Variants in KIAA1958 observed in about 807,000 individuals in gnomAD.
KIAA1958 encodes KIAA1958.
In KIAA1958, 14 loss-of-function variants were observed where a neutral mutation model predicts 47.2. The observed-to-expected ratio is 0.30, with a 90% CI of 0.20 to 0.46. KIAA1958 has a LOEUF of 0.46. Among genes scored for constraint, KIAA1958 ranks in the 20% least tolerant of loss-of-function variants. The pLI, the probability that KIAA1958 is intolerant of heterozygous loss-of-function variation, is 1.00. For missense variants in KIAA1958, 803 were observed against 909.2 expected, an observed-to-expected ratio of 0.88 and a Z score of 1.50; for synonymous variants, 354 against 353.3, an observed-to-expected ratio of 1.00 and a Z score of -0.02.
intron 1 of KIAA1958, among the ~76,000 whole-genome samples, chr9:112,522,441 C>T (rs1834563218): frequency 6.6e-6 from 1 of 152,210 alleles, no homozygotes; most frequent in African/African-American, 2.4e-5. Context: ...CTCTAAGTAG[C>T]TCTGGGCCTG....
At position 112,645,499 on chromosome 9, in the gene KIAA1958, GATAGAT is replaced by G. The variant is rs1295387151; in HGVS notation, c.1172-141_1172-136del. ...TTCCCTACTTATTCTAATATATACA[GATAGAT>G]ATAGATATACATATACTTTAATAGA... On this transcript the variant is annotated intron_variant, in intron 2 of 3. Coordinates refer to ENST00000337530, the MANE Select transcript of KIAA1958 (RefSeq NM_133465.4). 7.2e-5 allele frequency: 40 copies of G among 556,052 alleles called. No homozygotes were observed. The East Asian group carries it at 7.4e-4, about 10-fold the overall frequency. The allele number at this position is 556,052 out of a possible 1,614,324, so 34.4% of individuals were successfully genotyped here. A position where few individuals can be genotyped will look rare whatever the true frequency, so the allele number is the denominator to read the frequency against.
intron 1 of KIAA1958, among the ~76,000 whole-genome samples, chr9:112,566,897 G>A (rs963709899): frequency 6.6e-6 from 1 of 152,140 alleles, no homozygotes; most frequent in Non-Finnish European, 1.5e-5. Context: ...CCTAATGTGA[G>A]GCAAAGGGGT....
In KIAA1958 at chr9:112,663,767, C is replaced by G. The variant is rs573294786; in HGVS notation, c.*3698C>G. 1.3e-5 allele frequency: 2 copies of G among 152,328 alleles called. No individual in the cohort carries two copies. Among genetic ancestry groups the G allele is most frequent in the South Asian group, 4.2e-4 (2 of 4,816 alleles). 9.4% of individuals were successfully genotyped at this position (152,328 alleles called of 1,614,324 possible). On this transcript the variant is annotated 3_prime_UTR_variant, in exon 4 of 4. Coordinates refer to ENST00000337530, the MANE Select transcript of KIAA1958 (RefSeq NM_133465.4). ...TTTCCAGCTTTCCTTGGATTTTATG[C>G]TACATTAATTTGCCCTGGCTGATAA...
At chr9:112,519,914 A>ATTTCAG (rs1448008744) in intron 1 of KIAA1958, among the ~76,000 whole-genome samples, 10 of 152,222 alleles carry the variant, frequency 6.6e-5, no homozygotes, top group Admixed American at 3.3e-4. Flanking sequence ...AAGTGCTGAT[A>ATTTCAG]TAAATACATC....
rs186671605 is a variant in KIAA1958, at chr9:112,658,897, A to G, written c.1345-366A>G. Reference sequence around the variant, plus strand: ...TAGCCGGGCGTGGTGGCGGGAGCCTATAGTCCCAGCTACTCGGAAGGCTGA... The same window carrying G: ...TAGCCGGGCGTGGTGGCGGGAGCCTGTAGTCCCAGCTACTCGGAAGGCTGA... On this transcript the variant is annotated intron_variant, in intron 3 of 3. Transcript: ENST00000337530. 3.4e-4 allele frequency among the ~76,000 whole-genome samples: 51 copies of G among 150,770 alleles called. No individual in the cohort carries two copies. In the East Asian group the frequency reaches 7.0e-3, roughly 21 times the overall value.
chr9:112,647,251 A>G (rs1218680260), intron 3 of KIAA1958, among the ~76,000 whole-genome samples: 1 of 152,184 alleles, frequency 6.6e-6, no homozygotes, highest in Non-Finnish European at 1.5e-5. Flanking sequence ...ATATGTTGAT[A>G]ACATTATTTT....
intron 1 of KIAA1958, among the ~76,000 whole-genome samples, chr9:112,487,653 T>G (rs538574673): frequency 1.3e-5 from 2 of 152,236 alleles, no homozygotes; most frequent in East Asian, 1.9e-4. Flanking sequence ...GGAACGTGCA[T>G]GGCTTCGCTC....
intron 2 of KIAA1958, among the ~76,000 whole-genome samples, chr9:112,639,247 G>A (rs539783780): frequency 2.6e-5 from 4 of 152,056 alleles, no homozygotes; most frequent in Admixed American, 6.6e-5. Flanking sequence ...GTTATATCCT[G>A]TTCCTCAGTC....
intron 2 of KIAA1958, among the ~76,000 whole-genome samples, chr9:112,637,802 T>C (rs1222629483): frequency 2.0e-5 from 3 of 152,220 alleles, no homozygotes; most frequent in Non-Finnish European, 4.4e-5. Context: ...ATCAGTCTGA[T>C]GTTGTGCTGT....
At chr9:112,492,483 A>G (rs187408062) in intron 1 of KIAA1958, among the ~76,000 whole-genome samples, 2 of 152,314 alleles carry the variant, frequency 1.3e-5, no homozygotes, top group East Asian at 3.9e-4. Context: ...TGAGAGGAAT[A>G]CAGTTCAGCC....
chr9:112,639,639 T>G (rs771253467), intron 2 of KIAA1958, among the ~76,000 whole-genome samples: 23 of 152,198 alleles, frequency 1.5e-4, no homozygotes, highest in Non-Finnish European at 2.2e-4. Flanking sequence ...CCATGGATAC[T>G]TTTTTCTCTT....
chr9:112,665,328 T>G lies in KIAA1958; in HGVS notation c.*5259T>G, dbSNP rs1474095784. The G allele has an allele frequency of 6.6e-6, 1 of 152,236 alleles. No individual in the cohort carries two copies. The highest frequency in any genetic ancestry group is 2.4e-5 in the African/African-American group (1 of 41,464). The allele number at this position is 152,236 out of a possible 1,614,324, so 9.4% of individuals were successfully genotyped here. ...TTTGACTAAGACTGTGTTACGTGCTTTCTCACAGCTGCCATATATTCTCAT... is the reference window on the plus strand; with the variant it reads ...TTTGACTAAGACTGTGTTACGTGCTGTCTCACAGCTGCCATATATTCTCAT... On this transcript the variant is annotated 3_prime_UTR_variant, in exon 4 of 4. Coordinates refer to ENST00000337530, the MANE Select transcript of KIAA1958 (RefSeq NM_133465.4).
chr9:112,596,777 C>T (rs970532507), intron 2 of KIAA1958, among the ~76,000 whole-genome samples: 29 of 152,198 alleles, frequency 1.9e-4, no homozygotes, highest in African/African-American at 7.0e-4. Context: ...TATGTGTTAT[C>T]TGTTTTCCTT....
rs187191284 is a variant in KIAA1958 at position 112,504,822 on chromosome 9, A to G, written c.-25+17704A>G. Among the ~76,000 whole-genome samples the G allele has an allele frequency of 2.8e-3, 418 of 151,406 alleles. 2 individuals carry two copies. Among genetic ancestry groups the G allele is most frequent in the African/African-American group, 9.8e-3 (403 of 41,202 alleles). On this transcript the variant is annotated intron_variant, in intron 1 of 3. Transcript: ENST00000337530. Reference sequence around the variant, plus strand: ...TGTATATATGTGTAGATGTATATACATTTTTTATTTATACAAATTTATGAG... The same window carrying G: ...TGTATATATGTGTAGATGTATATACGTTTTTTATTTATACAAATTTATGAG...
At chr9:112,539,935 C>T (rs1287279317) in intron 1 of KIAA1958, among the ~76,000 whole-genome samples, 1 of 152,162 alleles carries the variant, frequency 6.6e-6, no homozygotes, top group East Asian at 1.9e-4. Context: ...AAATGATTCA[C>T]CTGCCTCAGC....
intron 2 of KIAA1958, chr9:112,582,045 G>A (rs1218395294): frequency 1.4e-5 from 3 of 219,678 alleles, no homozygotes; most frequent in Non-Finnish European, 2.9e-5. Flanking sequence ...AAGCTTCACC[G>A]CTTCAGCGCT....
chr9:112,542,122 A>G (rs568139213), intron 1 of KIAA1958, among the ~76,000 whole-genome samples: 19 of 152,326 alleles, frequency 1.2e-4, no homozygotes, highest in African/African-American at 4.1e-4. Flanking sequence ...GATATTTGTC[A>G]TATTTTAAAC....
At chr9:112,566,037 G>A (rs1422745051) in intron 1 of KIAA1958, among the ~76,000 whole-genome samples, 4 of 152,052 alleles carry the variant, frequency 2.6e-5, no homozygotes, top group Non-Finnish European at 5.9e-5. Context: ...CCCAGTAGTT[G>A]GGACTACAGG....
At chr9:112,644,668 C>G (rs775161597) in intron 2 of KIAA1958, among the ~76,000 whole-genome samples, 2 of 152,098 alleles carry the variant, frequency 1.3e-5, no homozygotes, top group Non-Finnish European at 2.9e-5. Context: ...CAAGTTAAAC[C>G]ATGTTCCCTT....
Sources: gnomAD v4.1 joint callset for allele counts (sites outside exome capture counted in the v4.1 genomes callset) on GRCh38, gnomAD v4.1.1 for gene constraint, MANE v1.5 for transcripts, NCBI Gene and HGNC (gene_info 2026-07-23, HGNC 2026-07-21) for gene names.